FBN1: variants seen among roughly 807,000 people sequenced by gnomAD.
FBN1 encodes fibrillin-1.
FBN1 carries 29 observed loss-of-function variants against 365.1 expected under a neutral mutation model. That is an observed-to-expected ratio of 0.08 (90% CI 0.06 to 0.11). The LOEUF (loss-of-function observed/expected upper bound fraction) is 0.11. FBN1 is among the 10% of genes least tolerant of loss of function. FBN1 has a pLI of 1.00. For synonymous variants in FBN1, 1,210 were observed against 1,270.5 expected, an observed-to-expected ratio of 0.95 and a Z score of 1.01; for missense variants, 2,476 against 3,703.2, an observed-to-expected ratio of 0.67 and a Z score of 8.60.
At chr15:48,602,464 A>G (rs891363492) in intron 4 of FBN1, among the ~76,000 whole-genome samples, 6 of 152,166 alleles carry the variant, frequency 3.9e-5, no homozygotes, top group Non-Finnish European at 7.3e-5. Context: ...TGCTAAATTA[A>G]TTTTTATTTA....
chr15:48,435,988 G>T (rs2043069471), intron 53 of FBN1, among the ~76,000 whole-genome samples: 1 of 152,030 alleles, frequency 6.6e-6, no homozygotes, highest in South Asian at 2.1e-4. Flanking sequence ...TTGTGCTGAG[G>T]TTCTTAAGTC....
chr15:48,624,810 G>C (rs1889844106), intron 2 of FBN1, among the ~76,000 whole-genome samples: 1 of 152,248 alleles, frequency 6.6e-6, no homozygotes, highest in Non-Finnish European at 1.5e-5. Context: ...CACAAAACAA[G>C]TGGTGAGGGG....
chr15:48,630,659 T>C (rs1388535353), intron 2 of FBN1, among the ~76,000 whole-genome samples: 1 of 141,150 alleles, frequency 7.1e-6, no homozygotes, highest in East Asian at 2.1e-4. Flanking sequence ...GCACAGAAAA[T>C]ACCCGGTATT....
intron 63 of FBN1, among the ~76,000 whole-genome samples, chr15:48,420,066 T>C (rs955132845): frequency 6.6e-6 from 1 of 152,232 alleles, no homozygotes. Context: ...TCACAATGTT[T>C]TGATTCTCTG....
chr15:48,517,461 T>C (rs560784174), intron 10 of FBN1, among the ~76,000 whole-genome samples: 47 of 152,336 alleles, frequency 3.1e-4, no homozygotes, highest in Middle Eastern at 3.4e-3. Flanking sequence ...TGCTGCATAG[T>C]GACCCTCTGA....
chr15:48,517,820 T>A (rs2043817645), intron 10 of FBN1, among the ~76,000 whole-genome samples: 1 of 152,202 alleles, frequency 6.6e-6, no homozygotes, highest in African/African-American at 2.4e-5. Context: ...CTATGCTAGT[T>A]TCAGCCATTA....
intron 2 of FBN1, among the ~76,000 whole-genome samples, chr15:48,622,333 C>T (rs1889785356): frequency 6.6e-6 from 1 of 152,162 alleles, no homozygotes; most frequent in African/African-American, 2.4e-5. Flanking sequence ...GCCTGGGGAA[C>T]TCAGGGAGGC....
intron 6 of FBN1, among the ~76,000 whole-genome samples, chr15:48,565,124 T>C (rs2044250728): frequency 6.6e-6 from 1 of 152,198 alleles, no homozygotes; most frequent in Non-Finnish European, 1.5e-5. Flanking sequence ...GATAAAGATC[T>C]AGAACTGAGC....
intron 3 of FBN1, among the ~76,000 whole-genome samples, chr15:48,612,580 T>C (rs1205672232): frequency 6.6e-6 from 1 of 152,214 alleles, no homozygotes; most frequent in Admixed American, 6.5e-5. Flanking sequence ...CGTCTGGTGA[T>C]CTATCTCCTT....
chr15:48,474,774 G>A (rs1325039828), intron 32 of FBN1, 124 bp from the exon 33 acceptor site: 7 of 1,176,218 alleles, frequency 6.0e-6, no homozygotes, highest in South Asian at 1.3e-5. Flanking sequence ...GACTGGTTTT[G>A]CATCCATATA....
rs1289726476 is a variant in FBN1 at position 48,526,131 on chromosome 15, T to C, written c.987A>G (p.Ile329Met). 1.9e-6 allele frequency: 3 copies of C among 1,614,022 alleles called. No homozygotes were observed. Among genetic ancestry groups the C allele is most frequent in the Admixed American group, 3.3e-5 (2 of 60,002 alleles). The change falls in exon 9 of 66, where the codon ATA becomes ATG. Residue 329 changes from isoleucine (I) to methionine (M), a missense_variant and splice_region_variant. Coordinates refer to ENST00000316623, the MANE Select transcript of FBN1 (RefSeq NM_000138.5). ...FYTSPDGTRC[I>M]DVRPGYCYTA... ...CATGCTGTTTGTCATTAAACCTACC[T>C]ATGCATCTGGTACCATCTGGAGAGG...
rs75655780 is a variant in FBN1, at chr15:48,520,777, C to A, written c.1029G>T (p.Gly343=). The change falls in exon 10 of 66, where the codon GGG becomes GGT. Residue 343 remains glycine, a synonymous_variant. Coordinates refer to ENST00000316623, the MANE Select transcript of FBN1 (RefSeq NM_000138.5). ...PGYCYTALTN[G]RCSNQLPQSI... Reference sequence around the variant, plus strand: ...ACTGTGGCAGCTGGTTAGAGCAGCGCCCGTTTGTCAGAGCTGTGTAACAGT... The same window carrying A: ...ACTGTGGCAGCTGGTTAGAGCAGCGACCGTTTGTCAGAGCTGTGTAACAGT... The A allele has an allele frequency of 1.2e-6, 2 of 1,614,034 alleles. No homozygotes were observed.
chr15:48,415,751 G>A lies in FBN1; in HGVS notation c.7836C>T (p.Leu2612=), dbSNP rs756689495. 8.1e-6 allele frequency: 13 copies of A among 1,614,014 alleles called. No individual in the cohort carries two copies. In the East Asian group the frequency reaches 1.3e-4, roughly 17 times the overall value. Reference sequence around the variant, plus strand: ...AGGCTCCTCCGCAGATGTGAGCGCTGAGGCATTCGTTTTCATCTGCAGGCA... The same window carrying A: ...AGGCTCCTCCGCAGATGTGAGCGCTAAGGCATTCGTTTTCATCTGCAGGCA... The part of the protein sequence containing the change: ...WNQCVDENEC[L]SAHICGGASC... The change falls in exon 64 of 66, where the codon CTC becomes CTT. Residue 2612 remains leucine, a synonymous_variant. Transcript: ENST00000316623.
intron 2 of FBN1, chr15:48,642,494 T>C (rs1217107852): frequency 6.6e-6 from 1 of 152,094 alleles, no homozygotes; most frequent in Non-Finnish European, 1.5e-5. Context: ...ATTCCATGTA[T>C]TAAAAAGGAT....
chr15:48,618,214 G>C (rs1418611168), intron 2 of FBN1, among the ~76,000 whole-genome samples: 2 of 151,998 alleles, frequency 1.3e-5, no homozygotes, highest in Admixed American at 6.6e-5. Context: ...ACATCCTACT[G>C]TTCCAAGGTT....
intron 9 of FBN1, among the ~76,000 whole-genome samples, 162 bp from the exon 10 acceptor site, chr15:48,520,979 G>C (rs140587090): frequency 6.6e-6 from 1 of 152,358 alleles, no homozygotes; most frequent in African/African-American, 2.4e-5. Context: ...CACAGGAACA[G>C]TGCTCAGTCA....
intron 6 of FBN1, among the ~76,000 whole-genome samples, chr15:48,563,351 G>T (rs1022405034): frequency 1.3e-5 from 2 of 152,176 alleles, no homozygotes; most frequent in African/African-American, 4.8e-5. Flanking sequence ...AAGGGGTTAG[G>T]TAAATAAATT....
intron 6 of FBN1, among the ~76,000 whole-genome samples, chr15:48,549,315 G>A (rs908228238): frequency 1.3e-5 from 2 of 152,180 alleles, no homozygotes; most frequent in South Asian, 4.1e-4. Flanking sequence ...TGGGATTGAC[G>A]AGCACTGGTG....
intron 55 of FBN1, among the ~76,000 whole-genome samples, chr15:48,431,264 ATTT>A (rs1190291631): frequency 3.3e-5 from 5 of 150,916 alleles, no homozygotes; most frequent in African/African-American, 1.2e-4. Flanking sequence ...CGCCTGGCTA[ATTT>A]TTTTTGTATT....
Sources: allele counts gnomAD v4.1 joint callset (sites outside exome capture counted in the v4.1 genomes callset), GRCh38; gene constraint gnomAD v4.1.1; transcripts MANE v1.5; gene names NCBI Gene and HGNC (gene_info 2026-07-23, HGNC 2026-07-21).